The following GRK5 variants were observed in gnomAD, a reference collection of about 807,000 sequenced individuals.
GRK5 encodes g protein-coupled receptor kinase GRK5.
In GRK5, 40 loss-of-function variants were observed where a neutral mutation model predicts 78.4. The observed-to-expected ratio is 0.51, with a 90% CI of 0.40 to 0.66. The LOEUF (loss-of-function observed/expected upper bound fraction) is 0.66. Among genes scored for constraint, GRK5 ranks in the 30% least tolerant of loss-of-function variants. GRK5 has a pLI of 0.00. For synonymous variants in GRK5, 289 were observed against 296.8 expected (o/e 0.97, Z 0.27); for missense variants, 598 against 759.9 (o/e 0.79, Z 2.50).
chr10:119,402,055 G>C (rs1459535873), intron 4 of GRK5, among the ~76,000 whole-genome samples: 1 of 152,194 alleles, frequency 6.6e-6, no homozygotes, highest in Admixed American at 6.5e-5. Context: ...GGAAGAGAGG[G>C]ATGAAGGAGG....
At chr10:119,318,365 A>G (rs112251258) in intron 1 of GRK5, among the ~76,000 whole-genome samples, 103 of 152,304 alleles carry the variant, frequency 6.8e-4, no homozygotes, top group Middle Eastern at 3.4e-3. Flanking sequence ...TACTGGTGCA[A>G]ATTCCCTGAC....
At chr10:119,263,929 A>AAATAAT (rs369678174) in intron 1 of GRK5, among the ~76,000 whole-genome samples, 1 of 151,970 alleles carries the variant, frequency 6.6e-6, no homozygotes, top group Non-Finnish European at 1.5e-5. Context: ...CTCCGTCTCA[A>AAATAAT]AATAATAATA....
intron 1 of GRK5, among the ~76,000 whole-genome samples, chr10:119,215,458 TGA>T (rs1848555760): frequency 8.4e-6 from 1 of 119,098 alleles, no homozygotes; most frequent in Non-Finnish European, 1.7e-5. Context: ...GAAGGAGAGA[TGA>T]GAGGGGGAAA....
chr10:119,250,635 C>T (rs1849184496), intron 1 of GRK5, among the ~76,000 whole-genome samples: 1 of 151,910 alleles, frequency 6.6e-6, no homozygotes, highest in Non-Finnish European at 1.5e-5. Context: ...AGGCATGAGC[C>T]ACTGTGCCTG....
chr10:119,394,307 TGGGCAC>T (rs1564916980), intron 3 of GRK5, among the ~76,000 whole-genome samples: 148 of 13,348 alleles, frequency 0.011, 8 homozygotes, highest in Middle Eastern at 0.05. Context: ...TGTGTCTGTG[TGGGCAC>T]GTGGGTGTGT....
intron 1 of GRK5, among the ~76,000 whole-genome samples, chr10:119,247,025 C>T (rs1036715732): frequency 2.0e-5 from 3 of 152,072 alleles, no homozygotes; most frequent in South Asian, 2.1e-4. Context: ...TGCCCTGGCC[C>T]GAGGATGGGA....
At chr10:119,315,223 G>A (rs564663194) in intron 1 of GRK5, among the ~76,000 whole-genome samples, 2 of 152,210 alleles carry the variant, frequency 1.3e-5, no homozygotes, top group Non-Finnish European at 2.9e-5. Flanking sequence ...GTTGGAGAAA[G>A]TACCCTACAG....
intron 1 of GRK5, among the ~76,000 whole-genome samples, chr10:119,263,858 G>A (rs1849451686): frequency 6.6e-6 from 1 of 152,196 alleles, no homozygotes; most frequent in Admixed American, 6.5e-5. Flanking sequence ...AACCCAGGAG[G>A]GAGAGCTTGC....
chr10:119,322,036 A>C (rs1056323841), intron 1 of GRK5, among the ~76,000 whole-genome samples: 1 of 152,190 alleles, frequency 6.6e-6, no homozygotes, highest in African/African-American at 2.4e-5. Context: ...GCTAGAGTGC[A>C]GTGGCATGAT....
intron 1 of GRK5, among the ~76,000 whole-genome samples, chr10:119,229,168 G>T (rs747539671): frequency 1.3e-5 from 2 of 152,128 alleles, no homozygotes; most frequent in Non-Finnish European, 1.5e-5. Flanking sequence ...AGAGTAAGGG[G>T]CAAGAATGGG....
intron 1 of GRK5, among the ~76,000 whole-genome samples, chr10:119,258,873 C>T (rs996679177): frequency 2.0e-5 from 3 of 152,120 alleles, no homozygotes; most frequent in Admixed American, 6.5e-5. Context: ...AGGGCTCCTG[C>T]GGGAGTCTTG....
chr10:119,328,575 C>A (rs1850717453), intron 2 of GRK5, among the ~76,000 whole-genome samples: 1 of 152,134 alleles, frequency 6.6e-6, no homozygotes, highest in Non-Finnish European at 1.5e-5. Context: ...GATGCTGAGC[C>A]CAGCTTCTCC....
At chr10:119,296,174 G>C (rs985554140) in intron 1 of GRK5, among the ~76,000 whole-genome samples, 1 of 152,096 alleles carries the variant, frequency 6.6e-6, no homozygotes, top group African/African-American at 2.4e-5. Flanking sequence ...CTTGGTTCTC[G>C]GGCTTGTCCC....
At chr10:119,403,839 TG>T (rs1852190847) in intron 4 of GRK5, among the ~76,000 whole-genome samples, 1 of 152,186 alleles carries the variant, frequency 6.6e-6, no homozygotes, top group South Asian at 2.1e-4. Context: ...TTCGCCACTT[TG>T]GCCAGGCTGG....
Position 119,352,636 on chromosome 10 carries a change from A to G in GRK5, c.148+26025A>G, listed in dbSNP as rs140462304. 6.6e-4 allele frequency among the ~76,000 whole-genome samples: 101 copies of G among 152,254 alleles called. No homozygotes were observed. In the Middle Eastern group the frequency reaches 0.014, roughly 21 times the overall value. ...GGGTCTGTTTTGGTTTCTTCAACAC[A>G]TTTATTTGGTGTTTAATTGGAGGGG... is the stretch of plus-strand genomic sequence containing the variant. On this transcript the variant is annotated intron_variant, in intron 2 of 15. Coordinates refer to ENST00000392870, the MANE Select transcript of GRK5 (RefSeq NM_005308.3).
chr10:119,455,152 T>C lies in GRK5; in HGVS notation c.*85T>C, dbSNP rs773518101. On this transcript the variant is annotated 3_prime_UTR_variant, in exon 16 of 16. Transcript: ENST00000392870. Reference sequence around the variant, plus strand: ...GGAAGTAGTGGAGCCCCTGCTCTGGTGGGGCTGCCAGGGGAGACCCCGGGA... The same window carrying C: ...GGAAGTAGTGGAGCCCCTGCTCTGGCGGGGCTGCCAGGGGAGACCCCGGGA... 10 of 1,109,586 alleles carry C rather than the reference T, an allele frequency of 9.0e-6. No homozygotes were observed. Among genetic ancestry groups the C allele is most frequent in the African/African-American group, 3.1e-5 (2 of 65,262 alleles). The allele number at this position is 1,109,586 out of a possible 1,614,324, so 68.7% of individuals were successfully genotyped here.
At chr10:119,300,966 T>C (rs1267862955) in intron 1 of GRK5, among the ~76,000 whole-genome samples, 1 of 151,964 alleles carries the variant, frequency 6.6e-6, no homozygotes, top group Non-Finnish European at 1.5e-5. Context: ...AAGCTAGGCA[T>C]GATGGCGGGC....
intron 1 of GRK5, among the ~76,000 whole-genome samples, chr10:119,303,752 G>A (rs745598964): frequency 7.2e-5 from 11 of 152,008 alleles, no homozygotes; most frequent in Non-Finnish European, 1.3e-4. Context: ...CTGGTCCAGT[G>A]GCAGCCCTGG....
chr10:119,259,143 C>T (rs1209252741), intron 1 of GRK5, among the ~76,000 whole-genome samples: 1 of 149,780 alleles, frequency 6.7e-6, no homozygotes, highest in Admixed American at 6.7e-5. Context: ...CGGCTCACTG[C>T]AAGCTCCGTC....
Sources: gnomAD v4.1 joint callset for allele counts (sites outside exome capture counted in the v4.1 genomes callset) on GRCh38, gnomAD v4.1.1 for gene constraint, MANE v1.5 for transcripts, NCBI Gene and HGNC (gene_info 2026-07-23, HGNC 2026-07-21) for gene names.